SAMD5: variants seen among roughly 807,000 people sequenced by gnomAD.
SAMD5 encodes sterile alpha motif domain containing 5, also known as sterile alpha motif domain-containing protein 5.
In SAMD5, 13 loss-of-function variants were observed where a neutral mutation model predicts 11.3. The ratio of observed to expected loss-of-function variants is 1.15; its 90% CI spans 0.75 to 1.83. The LOEUF (loss-of-function observed/expected upper bound fraction) is 1.83. Ranked by LOEUF, SAMD5 falls within the 40% of genes most tolerant of loss-of-function variation. The pLI, the probability that SAMD5 is intolerant of heterozygous loss-of-function variation, is 0.00. For synonymous variants in SAMD5, 129 were observed against 111.3 expected (o/e 1.16, Z -1.00); for missense variants, 255 against 239.1 (o/e 1.07, Z -0.44).
Position 147,509,244 on chromosome 6 carries a change from A to C in SAMD5, c.316A>C (p.Thr106Pro). Residue 106 changes from threonine (T) to proline (P), a missense_variant, in exon 1 of 2, where the codon ACC becomes CCC. Thr to Pro is a conservative substitution (Grantham distance 38, BLOSUM62 -1). Transcript: ENST00000367474. ...GCCGTGCGGCGGCCCGGCCCAGGGCACCCGCGGGGACTCTCGCGGCCACAC... is the reference window on the plus strand; with the variant it reads ...GCCGTGCGGCGGCCCGGCCCAGGGCCCCCGCGGGGACTCTCGCGGCCACAC... ...GEPCGGPAQG[T>P]RGDSRGHTTA... 1 of 1,489,890 alleles carries C rather than the reference A, an allele frequency of 6.7e-7. No individual in the cohort carries two copies. Among genetic ancestry groups the C allele is most frequent in the Non-Finnish European group, 8.9e-7 (1 of 1,120,310 alleles). 92.3% of individuals were successfully genotyped at this position (1,489,890 alleles called of 1,614,324 possible).
intron 1 of SAMD5, among the ~76,000 whole-genome samples, chr6:147,604,855 T>C (rs183484195): frequency 6.6e-6 from 1 of 152,214 alleles, no homozygotes; most frequent in Non-Finnish European, 1.5e-5. Flanking sequence ...ATTGGATTGC[T>C]GGAGCATGGA....
the SAMD5 span, among the ~76,000 whole-genome samples, chr6:147,813,996 C>T: frequency 3.3e-5 from 5 of 152,182 alleles, no homozygotes; most frequent in Non-Finnish European, 5.9e-5. Context: ...CTATTCTTTG[C>T]TCCATCGTTT....
At chr6:147,725,507 G>A (rs1791613404) in intron 1 of SAMD5, among the ~76,000 whole-genome samples, 1 of 150,890 alleles carries the variant, frequency 6.6e-6, no homozygotes, top group Non-Finnish European at 1.5e-5. Context: ...TTCTGCCTCA[G>A]CCTCCCAAGT....
chr6:147,830,251 C>CTTTTTT, the SAMD5 span, among the ~76,000 whole-genome samples: 488 of 84,860 alleles, frequency 5.8e-3, no homozygotes, highest in Middle Eastern at 0.01. Context: ...TTCTTTCTTT[C>CTTTTTT]TTTTTTTTTT....
At chr6:147,760,888 A>T in the SAMD5 span, among the ~76,000 whole-genome samples, 1 of 152,180 alleles carries the variant, frequency 6.6e-6, no homozygotes. Context: ...AGATACATTT[A>T]CCTTTCTGTT....
At position 147,564,820 on chromosome 6, in the gene SAMD5, C is replaced by T. The variant is rs1356742116; in HGVS notation, c.*364C>T. 1.0e-6 allele frequency: 1 copy of T among 979,328 alleles called. No homozygotes were observed. The highest frequency in any genetic ancestry group is 1.1e-4 in the East Asian group (1 of 9,020). The allele number at this position is 979,328 out of a possible 1,614,324, so 60.7% of individuals were successfully genotyped here. A position where few individuals can be genotyped will look rare whatever the true frequency, so the allele number is the denominator to read the frequency against. ...ATAACTTAGTTTAAGTACAATATAA[C>T]AAAAAGGTAGATTTCTGACAGTAAG... On this transcript the variant is annotated 3_prime_UTR_variant, in exon 2 of 2. Coordinates refer to ENST00000367474, the MANE Select transcript of SAMD5 (RefSeq NM_001030060.3).
intron 1 of SAMD5, among the ~76,000 whole-genome samples, chr6:147,546,933 G>T (rs1456423277): frequency 6.6e-6 from 1 of 152,116 alleles, no homozygotes; most frequent in Non-Finnish European, 1.5e-5. Context: ...TAGTTACTCT[G>T]CCTCTTTCTT....
intron 1 of SAMD5, among the ~76,000 whole-genome samples, chr6:147,593,646 T>C (rs1789488531): frequency 6.6e-6 from 1 of 152,178 alleles, no homozygotes; most frequent in South Asian, 2.1e-4. Context: ...GTGACATAAC[T>C]TGAACACAGA....
At chr6:147,599,169 T>A (rs367803135) in intron 1 of SAMD5, among the ~76,000 whole-genome samples, 1 of 152,118 alleles carries the variant, frequency 6.6e-6, no homozygotes, top group Non-Finnish European at 1.5e-5. Flanking sequence ...GTGACCTTGA[T>A]GGAGTGATGG....
chr6:147,521,577 T>C (rs1197249172), intron 1 of SAMD5, among the ~76,000 whole-genome samples: 1 of 152,106 alleles, frequency 6.6e-6, no homozygotes, highest in African/African-American at 2.4e-5. Flanking sequence ...TATTTAGTCT[T>C]TGTAAACCTG....
At chr6:147,535,460 G>GA (rs1407021631) in intron 1 of SAMD5, among the ~76,000 whole-genome samples, 11 of 152,144 alleles carry the variant, frequency 7.2e-5, no homozygotes, top group Admixed American at 7.2e-4. Flanking sequence ...TTAAACTGCA[G>GA]AAAAAGCCTT....
At chr6:147,702,656 A>G (rs888300216) in intron 1 of SAMD5, among the ~76,000 whole-genome samples, 1 of 152,202 alleles carries the variant, frequency 6.6e-6, no homozygotes, top group African/African-American at 2.4e-5. Flanking sequence ...GATGATTACT[A>G]TTTAATATCA....
the SAMD5 span, among the ~76,000 whole-genome samples, chr6:147,844,000 A>G: frequency 6.6e-6 from 1 of 152,214 alleles, no homozygotes; most frequent in Non-Finnish European, 1.5e-5. Context: ...ATGAGATTGC[A>G]GCAAACTAAA....
chr6:147,853,655 A>G, the SAMD5 span, among the ~76,000 whole-genome samples: 1 of 150,870 alleles, frequency 6.6e-6, no homozygotes, highest in Non-Finnish European at 1.5e-5. Flanking sequence ...ATATCAATTA[A>G]TGTTTCCTTC....
intron 1 of SAMD5, among the ~76,000 whole-genome samples, chr6:147,636,208 C>T (rs1026507625): frequency 2.6e-5 from 4 of 152,040 alleles, no homozygotes; most frequent in Non-Finnish European, 5.9e-5. Flanking sequence ...TATCTATGCT[C>T]GGGGAGGTCT....
the SAMD5 span, among the ~76,000 whole-genome samples, chr6:147,925,682 C>CT: frequency 0.22 from 25,283 of 115,170 alleles, 2,800 homozygotes; most frequent in African/African-American, 0.3. Flanking sequence ...ACTGAGAATT[C>CT]TTTTTTTTTT....
At chr6:147,709,295 C>T (rs910004287) in intron 1 of SAMD5, among the ~76,000 whole-genome samples, 1 of 152,156 alleles carries the variant, frequency 6.6e-6, no homozygotes, top group East Asian at 1.9e-4. Context: ...TATTAGGATT[C>T]TCTAACTACT....
intron 1 of SAMD5, among the ~76,000 whole-genome samples, chr6:147,717,678 T>A (rs1349713463): frequency 1.3e-5 from 2 of 152,158 alleles, no homozygotes; most frequent in African/African-American, 2.4e-5. Flanking sequence ...CGAAACCCTG[T>A]TTCTACTAAA....
chr6:147,648,963 A>G (rs190755701), intron 1 of SAMD5, among the ~76,000 whole-genome samples: 2 of 152,378 alleles, frequency 1.3e-5, no homozygotes, highest in Admixed American at 1.3e-4. Context: ...GATAAAAGCC[A>G]TCACCCTGCA....
Sources: allele counts gnomAD v4.1 joint callset (sites outside exome capture counted in the v4.1 genomes callset), GRCh38; gene constraint gnomAD v4.1.1; transcripts MANE v1.5; gene names NCBI Gene and HGNC (gene_info 2026-07-23, HGNC 2026-07-21).